RBFOX1: variants seen among roughly 807,000 people sequenced by gnomAD.
The protein encoded by RBFOX1 is RNA binding protein fox-1 homolog 1.
RBFOX1 carries 8 observed loss-of-function variants against 57.7 expected under a neutral mutation model. The ratio of observed to expected loss-of-function variants is 0.14; its 90% CI spans 0.08 to 0.25. The LOEUF (loss-of-function observed/expected upper bound fraction) is 0.25, where lower values mean the gene tolerates loss of function less well. Among genes scored for constraint, RBFOX1 ranks in the 10% least tolerant of loss-of-function variants. The pLI is 1.00. For missense variants in RBFOX1, 611 were observed against 548.5 expected (o/e 1.11, Z -1.14); for synonymous variants, 326 against 222.4 (o/e 1.47, Z -4.15).
In RBFOX1 at chr16:7,031,707, T is replaced by C. The variant is rs1416300998; in HGVS notation, c.-15-20350T>C. On this transcript the variant is annotated intron_variant, in intron 3 of 15. Transcript: ENST00000550418. ...AGATAATCCAGTACTTTATAAATGCTACCTATTGTGATTTTTAAAATACTA... is the reference window on the plus strand; with the variant it reads ...AGATAATCCAGTACTTTATAAATGCCACCTATTGTGATTTTTAAAATACTA... Among the ~76,000 whole-genome samples, 4 of 152,180 alleles carry C rather than the reference T, an allele frequency of 2.6e-5. No homozygotes were observed. In the East Asian group the frequency reaches 7.7e-4, roughly 29 times the overall value.
At chr16:6,613,444 C>G (rs188824200) in intron 2 of RBFOX1, among the ~76,000 whole-genome samples, 1 of 152,170 alleles carries the variant, frequency 6.6e-6, no homozygotes, top group East Asian at 1.9e-4. Flanking sequence ...ACGTGAAACC[C>G]TTAGGCCCCC....
intron 2 of RBFOX1, among the ~76,000 whole-genome samples, chr16:5,495,096 CTG>C (rs1306562133): frequency 2.0e-5 from 3 of 152,192 alleles, no homozygotes; most frequent in Admixed American, 6.5e-5. Flanking sequence ...CTTCTGCAGG[CTG>C]TGCATGGCTG....
intron 9 of RBFOX1, among the ~76,000 whole-genome samples, chr16:7,599,837 A>G (rs2094918424): frequency 6.6e-6 from 1 of 151,090 alleles, no homozygotes; most frequent in Admixed American, 6.6e-5. Context: ...GAGTTTCACC[A>G]AGTTGCCCAG....
chr16:6,468,967 CA>C (rs2095113047), intron 2 of RBFOX1, among the ~76,000 whole-genome samples: 1 of 151,986 alleles, frequency 6.6e-6, no homozygotes, highest in African/African-American at 2.4e-5. Context: ...AGATAGGGCC[CA>C]TTGTGTGTTG....
intron 3 of RBFOX1, among the ~76,000 whole-genome samples, chr16:5,647,950 C>T (rs1267268225): frequency 6.6e-6 from 1 of 152,208 alleles, no homozygotes; most frequent in African/African-American, 2.4e-5. Flanking sequence ...ACATCCACCT[C>T]CTGGGTTCAA....
intron 4 of RBFOX1, among the ~76,000 whole-genome samples, chr16:7,218,360 G>A (rs553030002): frequency 1.3e-5 from 2 of 152,232 alleles, no homozygotes; most frequent in Admixed American, 1.3e-4. Flanking sequence ...ACCTTCTTCA[G>A]TATGCTTCCT....
At chr16:5,658,464 G>T (rs953713583) in intron 3 of RBFOX1, among the ~76,000 whole-genome samples, 4 of 152,074 alleles carry the variant, frequency 2.6e-5, no homozygotes, top group Non-Finnish European at 4.4e-5. Flanking sequence ...TGAGACTTGG[G>T]ATGGTGCTTC....
chr16:7,175,848 T>C (rs747262880), intron 4 of RBFOX1, among the ~76,000 whole-genome samples: 1 of 152,162 alleles, frequency 6.6e-6, no homozygotes, highest in South Asian at 2.1e-4. Flanking sequence ...GGTCACTCTT[T>C]AGAGGAGTTG....
At chr16:7,689,849 G>T (rs1291934662) in intron 14 of RBFOX1, among the ~76,000 whole-genome samples, 1 of 152,064 alleles carries the variant, frequency 6.6e-6, no homozygotes, top group Non-Finnish European at 1.5e-5. Context: ...TCTCTTTCAG[G>T]ATGAGGTTTA....
chr16:7,344,564 T>C (rs1403693431), intron 4 of RBFOX1, among the ~76,000 whole-genome samples: 2 of 151,334 alleles, frequency 1.3e-5, no homozygotes, highest in Admixed American at 6.6e-5. Flanking sequence ...TACATAGTAA[T>C]GATTATATGT....
intron 14 of RBFOX1, among the ~76,000 whole-genome samples, chr16:7,696,294 C>T (rs1158816396): frequency 1.3e-5 from 2 of 152,150 alleles, no homozygotes; most frequent in African/African-American, 2.4e-5. Flanking sequence ...GGCAGGACAC[C>T]TCCTAATGCA....
chr16:5,829,899 T>C (rs967768733), intron 3 of RBFOX1, among the ~76,000 whole-genome samples: 5 of 152,096 alleles, frequency 3.3e-5, no homozygotes, highest in East Asian at 3.9e-4. Context: ...GGTTTTTTTT[T>C]CCCCTTAGGT....
intron 3 of RBFOX1, among the ~76,000 whole-genome samples, chr16:6,811,646 T>A (rs1321113196): frequency 1.3e-5 from 2 of 152,060 alleles, no homozygotes; most frequent in Non-Finnish European, 2.9e-5. Flanking sequence ...TCCTAGCACT[T>A]TGGGAGGCTA....
intron 3 of RBFOX1, among the ~76,000 whole-genome samples, chr16:6,890,557 A>G (rs1184869320): frequency 6.6e-6 from 1 of 152,202 alleles, no homozygotes; most frequent in Non-Finnish European, 1.5e-5. Flanking sequence ...GAATGTTTGA[A>G]TGGGTTGTGA....
intron 3 of RBFOX1, among the ~76,000 whole-genome samples, chr16:6,957,078 A>AT (rs911090156): frequency 1.6e-4 from 22 of 140,200 alleles, no homozygotes; most frequent in East Asian, 1.6e-3. Context: ...CTGGTTGCCC[A>AT]TGTTTTTTGG....
At chr16:6,149,199 TTG>T (rs935345455) in intron 1 of RBFOX1, among the ~76,000 whole-genome samples, 1 of 152,172 alleles carries the variant, frequency 6.6e-6, no homozygotes, top group Non-Finnish European at 1.5e-5. Context: ...ATTAAGTTCT[TTG>T]TGTGTGTATG....
At chr16:5,920,100 A>T (rs1298611715) in intron 4 of RBFOX1, among the ~76,000 whole-genome samples, 1 of 151,838 alleles carries the variant, frequency 6.6e-6, no homozygotes, top group Non-Finnish European at 1.5e-5. Flanking sequence ...CACCCAGCTA[A>T]TTTTTTGCAT....
intron 3 of RBFOX1, among the ~76,000 whole-genome samples, chr16:5,669,336 G>T (rs1287141105): frequency 1.3e-5 from 2 of 151,652 alleles, no homozygotes; most frequent in Admixed American, 6.6e-5. Flanking sequence ...TTCTGCAAAA[G>T]CCTCAAGGCT....
chr16:6,765,064 T>C (rs765330078), intron 3 of RBFOX1, among the ~76,000 whole-genome samples: 1 of 151,702 alleles, frequency 6.6e-6, no homozygotes, highest in Non-Finnish European at 1.5e-5. Context: ...TAAGCAGAAA[T>C]CTAAAGTCCT....
Sources: gnomAD v4.1 joint callset for allele counts (sites outside exome capture counted in the v4.1 genomes callset) on GRCh38, gnomAD v4.1.1 for gene constraint, MANE v1.5 for transcripts, NCBI Gene and HGNC (gene_info 2026-07-23, HGNC 2026-07-21) for gene names.